IL12RB2: variants seen among roughly 807,000 people sequenced by gnomAD.
IL12RB2 encodes the protein interleukin-12 receptor subunit beta-2.
A neutral mutation model predicts 89.4 loss-of-function variants in IL12RB2; 82 were observed. The observed-to-expected ratio is 0.92, with a 90% CI of 0.77 to 1.10. The LOEUF is 1.10. Among genes scored for constraint, IL12RB2 ranks in the 50% least tolerant of loss-of-function variants. The pLI, the probability that IL12RB2 is intolerant of heterozygous loss-of-function variation, is 0.00. For synonymous variants in IL12RB2, 368 were observed against 370.1 expected, an observed-to-expected ratio of 0.99 and a Z score of 0.07; for missense variants, 963 against 1,031.9, an observed-to-expected ratio of 0.93 and a Z score of 0.92.
intron 14 of IL12RB2, among the ~76,000 whole-genome samples, chr1:67,383,060 T>C (rs1664772102): frequency 6.6e-6 from 1 of 152,262 alleles, no homozygotes; most frequent in Middle Eastern, 3.4e-3. Context: ...GGATAATTTA[T>C]AAAGGGAAGA....
intron 2 of IL12RB2, among the ~76,000 whole-genome samples, chr1:67,318,220 C>T (rs373995352): frequency 3.3e-5 from 5 of 152,064 alleles, no homozygotes; most frequent in Admixed American, 6.5e-5. Flanking sequence ...AAAATGTAAG[C>T]GATGATGGCA....
chr1:67,343,578 C>G (rs377349730), intron 9 of IL12RB2, among the ~76,000 whole-genome samples: 1 of 152,092 alleles, frequency 6.6e-6, no homozygotes, highest in Non-Finnish European at 1.5e-5. Flanking sequence ...CAATCCTCTC[C>G]CTCAAACTTC....
chr1:67,308,702 C>T (rs1424042022), intron 1 of IL12RB2, among the ~76,000 whole-genome samples: 1 of 152,104 alleles, frequency 6.6e-6, no homozygotes, highest in Admixed American at 6.6e-5. Flanking sequence ...AAATAGTAAC[C>T]TAAAAGCATA....
At position 67,397,289 on chromosome 1, in the gene IL12RB2, C is replaced by A. The variant is rs1419783191; in HGVS notation, c.*1200C>A. Among the ~76,000 whole-genome samples the A allele has an allele frequency of 6.6e-6, 1 of 152,136 alleles. No homozygotes were observed. The highest frequency in any genetic ancestry group is 1.5e-5 in the Non-Finnish European group (1 of 68,026). ...CATAGTACCTTGGGCAACCCAGCCT[C>A]CCACTCTGAATCTCGGGTGTCTTGT... On this transcript the variant is annotated 3_prime_UTR_variant, in exon 17 of 17. Coordinates refer to ENST00000674203, the MANE Select transcript of IL12RB2 (RefSeq NM_001374259.2).
At chr1:67,349,737 A>G (rs926930173) in intron 9 of IL12RB2, among the ~76,000 whole-genome samples, 1 of 152,222 alleles carries the variant, frequency 6.6e-6, no homozygotes, top group Non-Finnish European at 1.5e-5. Flanking sequence ...CTAGATGCTC[A>G]TGGATTAATT....
chr1:67,348,372 G>A (rs1482571541), intron 9 of IL12RB2, among the ~76,000 whole-genome samples: 2 of 152,136 alleles, frequency 1.3e-5, no homozygotes, highest in African/African-American at 4.8e-5. Context: ...TCTCAGGCTT[G>A]TCTATATAGG....
At position 67,373,811 on chromosome 1, in the gene IL12RB2, G is replaced by T. The variant is rs142932363; in HGVS notation, c.1717+1028G>T. ...TCTTAATGAGAGTTAGTAGGCCCAA[G>T]AACAATGCAACAAAGCCACCCTAAG... On this transcript the variant is annotated intron_variant, in intron 13 of 16. Transcript: ENST00000674203. Among the ~76,000 whole-genome samples, 786 of 152,274 alleles carry T rather than the reference G, an allele frequency of 5.2e-3. 5 individuals carry two copies. The highest frequency in any genetic ancestry group is 0.01 in the Middle Eastern group (3 of 294).
At chr1:67,361,704 G>A (rs1050563522) in intron 10 of IL12RB2, among the ~76,000 whole-genome samples, 2 of 151,912 alleles carry the variant, frequency 1.3e-5, no homozygotes, top group African/African-American at 4.8e-5. Context: ...GGAAATATGA[G>A]AAGGTAAAAA....
intron 1 of IL12RB2, among the ~76,000 whole-genome samples, chr1:67,311,215 C>A (rs1024035025): frequency 6.6e-6 from 1 of 152,110 alleles, no homozygotes; most frequent in Non-Finnish European, 1.5e-5. Flanking sequence ...AGGTGATGAG[C>A]GTAAACATGG....
chr1:67,370,847 T>C (rs1026026090), intron 11 of IL12RB2, among the ~76,000 whole-genome samples: 2 of 152,144 alleles, frequency 1.3e-5, no homozygotes, highest in Non-Finnish European at 2.9e-5. Flanking sequence ...TCAACTGAAT[T>C]ACAGAACCAC....
At chr1:67,311,269 G>A (rs1208496168) in intron 1 of IL12RB2, among the ~76,000 whole-genome samples, 1 of 152,168 alleles carries the variant, frequency 6.6e-6, no homozygotes, top group Non-Finnish European at 1.5e-5. Context: ...TTTAACATGG[G>A]AGCCCTGAGG....
chr1:67,364,355 C>A (rs994625220), intron 10 of IL12RB2, among the ~76,000 whole-genome samples: 1 of 152,164 alleles, frequency 6.6e-6, no homozygotes, highest in Non-Finnish European at 1.5e-5. Flanking sequence ...TGCACCACTG[C>A]ACTCCAGCCT....
intron 4 of IL12RB2, among the ~76,000 whole-genome samples, chr1:67,324,982 G>C (rs887582605): frequency 2.0e-5 from 3 of 152,250 alleles, no homozygotes; most frequent in Non-Finnish European, 4.4e-5. Flanking sequence ...TTGAATCAGA[G>C]AGAACTAGCT....
At chr1:67,386,344 C>A (rs986206782) in intron 14 of IL12RB2, among the ~76,000 whole-genome samples, 9 of 151,888 alleles carry the variant, frequency 5.9e-5, no homozygotes, top group Middle Eastern at 3.4e-3. Flanking sequence ...TCCTTTCTTT[C>A]TGACCCTGTG....
chr1:67,333,041 T>A (rs376021467), intron 8 of IL12RB2, among the ~76,000 whole-genome samples: 1 of 152,220 alleles, frequency 6.6e-6, no homozygotes, highest in Non-Finnish European at 1.5e-5. Flanking sequence ...TGGATGATTA[T>A]GAATTGAACC....
rs1009293677 is a variant in IL12RB2, at chr1:67,361,106, C to T, written c.1259-6719C>T. Reference sequence around the variant, plus strand: ...AGTTCCCAGTACAGGAGCACAGCCTCACAAAAAGACTGGGATGTAATCATA... The same window carrying T: ...AGTTCCCAGTACAGGAGCACAGCCTTACAAAAAGACTGGGATGTAATCATA... On this transcript the variant is annotated intron_variant, in intron 10 of 16. Transcript: ENST00000674203. Among the ~76,000 whole-genome samples the T allele has an allele frequency of 3.3e-5, 5 of 152,272 alleles. No individual in the cohort carries two copies. In the East Asian group the frequency reaches 9.6e-4, roughly 29 times the overall value.
chr1:67,324,649 C>T (rs893328425), intron 4 of IL12RB2, among the ~76,000 whole-genome samples: 1 of 152,220 alleles, frequency 6.6e-6, no homozygotes, highest in Non-Finnish European at 1.5e-5. Context: ...CTGTGCCTGG[C>T]CCAGGACTCT....
At chr1:67,375,734 T>C (rs1240335438) in intron 13 of IL12RB2, among the ~76,000 whole-genome samples, 2 of 151,610 alleles carry the variant, frequency 1.3e-5, no homozygotes, top group African/African-American at 4.9e-5. Context: ...GGTATCTGGA[T>C]TGTAATGAGT....
rs779597639 is a variant in IL12RB2 at position 67,372,644 on chromosome 1, CATT to C, written c.1580_1582del (p.Ile527del). 1 of 1,613,684 alleles carries C rather than the reference CATT, an allele frequency of 6.2e-7. No homozygotes were observed. The highest frequency in any genetic ancestry group is 8.5e-7 in the Non-Finnish European group (1 of 1,179,582). ...TTACAGCACCACTGAGTGGCCCCCA[CATT>C]AATGCCATCACAGAGGAAAAGGGGA... On this transcript the variant is annotated inframe_deletion, in exon 13 of 17. Transcript: ENST00000674203.
Sources: gnomAD v4.1 joint callset for allele counts (sites outside exome capture counted in the v4.1 genomes callset) on GRCh38, gnomAD v4.1.1 for gene constraint, MANE v1.5 for transcripts, NCBI Gene and HGNC (gene_info 2026-07-23, HGNC 2026-07-21) for gene names.